Variants in IFT46 observed in about 807,000 individuals in gnomAD.
The protein encoded by IFT46 is intraflagellar transport 46, also known as intraflagellar transport protein 46 homolog.
A neutral mutation model predicts 39.6 loss-of-function variants in IFT46; 19 were observed. The observed-to-expected ratio is 0.48, with a 90% CI of 0.33 to 0.70. The LOEUF is 0.70. Ranked by LOEUF, IFT46 falls within the 30% of genes least tolerant of loss-of-function variation. The pLI, the probability that IFT46 is intolerant of heterozygous loss-of-function variation, is 0.01. For missense variants in IFT46, 334 were observed against 364.8 expected, an observed-to-expected ratio of 0.92 and a Z score of 0.69; for synonymous variants, 117 against 134.8, an observed-to-expected ratio of 0.87 and a Z score of 0.91.
chr11:118,545,301 G>C, intron 11 of IFT46, 108 bp downstream of exon 11: 1 of 865,758 alleles, frequency 1.2e-6, no homozygotes, highest in Non-Finnish European at 1.9e-6. Context: ...AGGTAACTGG[G>C]CAGAGACATC....
intron 2 of IFT46, chr11:118,560,669 C>A: frequency 3.8e-6 from 2 of 532,720 alleles, no homozygotes; most frequent in South Asian, 3.7e-5. Context: ...GAGCCGCAAA[C>A]GCGGGTCTCT....
upstream of IFT46, among the ~76,000 whole-genome samples, chr11:118,570,772 CA>C (rs1311982785): frequency 6.6e-6 from 1 of 152,148 alleles, no homozygotes. Flanking sequence ...TCTTCATATA[CA>C]AAATGGACAT....
Position 118,544,863 on chromosome 11 carries a change from C to T in IFT46, c.*53G>A. 9.3e-6 allele frequency: 12 copies of T among 1,291,300 alleles called. No homozygotes were observed. The highest frequency in any genetic ancestry group is 1.3e-5 in the Non-Finnish European group (12 of 891,476). 80.0% of individuals were successfully genotyped at this position (1,291,300 alleles called of 1,614,324 possible). On this transcript the variant is annotated 3_prime_UTR_variant, in exon 12 of 12. Coordinates refer to ENST00000264021, the MANE Select transcript of IFT46 (RefSeq NM_001168618.2). Reference sequence around the variant, plus strand: ...GTAGCTGACAACGATCTGTCCATCTCAGCTGGGGCAGAGGGGCCAGCTCAG... The same window carrying T: ...GTAGCTGACAACGATCTGTCCATCTTAGCTGGGGCAGAGGGGCCAGCTCAG...
intron 3 of IFT46, among the ~76,000 whole-genome samples, chr11:118,558,929 C>CA (rs1223114835): frequency 5.5e-5 from 8 of 146,416 alleles, no homozygotes; most frequent in Admixed American, 2.7e-4. Context: ...AAAAAACAAA[C>CA]AAAAAAAACA....
Position 118,555,086 on chromosome 11 carries a change from A to G in IFT46, c.261-3T>C, listed in dbSNP as rs782745091. The G allele has an allele frequency of 1.9e-6, 3 of 1,608,732 alleles. No homozygotes were observed. The South Asian group carries it at 3.3e-5, about 18-fold the overall frequency. On this transcript the variant is annotated splice_region_variant and splice_polypyrimidine_tract_variant and intron_variant, in intron 5 of 11. Coordinates refer to ENST00000264021, the MANE Select transcript of IFT46 (RefSeq NM_001168618.2). The stretch of plus-strand genomic sequence containing the variant: ...GGTCAATCAACTGAGGTGTGTACCT[A>G]GGAGATATTGCCAAGGGAAGGTGGA...
intron 9 of IFT46, among the ~76,000 whole-genome samples, chr11:118,549,988 A>G (rs1173939480): frequency 2.0e-5 from 3 of 150,416 alleles, no homozygotes; most frequent in Non-Finnish European, 3.0e-5. Context: ...TAGTTGCTCA[A>G]TCTTTGCTCA....
chr11:118,550,037 T>C (rs917373693), intron 9 of IFT46, among the ~76,000 whole-genome samples: 1 of 151,392 alleles, frequency 6.6e-6, no homozygotes, highest in Non-Finnish European at 1.5e-5. Context: ...TGGGTTCAAG[T>C]GATTCTCCTG....
intron 10 of IFT46, 45 bp from the exon 11 acceptor site, chr11:118,545,539 G>T: frequency 6.8e-7 from 1 of 1,466,192 alleles, no homozygotes; most frequent in Non-Finnish European, 9.6e-7. Flanking sequence ...AACAAACTCC[G>T]GGAATTAGAG....
chr11:118,558,404 G>A (rs1347489465), intron 3 of IFT46, among the ~76,000 whole-genome samples: 2 of 152,156 alleles, frequency 1.3e-5, no homozygotes, highest in Admixed American at 6.5e-5. Flanking sequence ...AGACCAGCCT[G>A]ACCAACATGG....
Position 118,560,753 on chromosome 11 carries a change from A to C in IFT46, c.-35-889T>G. 4.4e-6 allele frequency: 3 copies of C among 684,062 alleles called. No individual in the cohort carries two copies. The South Asian group carries it at 4.7e-5, about 11-fold the overall frequency. 42.4% of individuals were successfully genotyped at this position (684,062 alleles called of 1,614,324 possible). A position where few individuals can be genotyped will look rare whatever the true frequency, so the allele number is the denominator to read the frequency against. On this transcript the variant is annotated intron_variant, in intron 2 of 11. Transcript: ENST00000264021. ...TAAGAGATACCAAGTGAAATTTAGAAGACGACGAGAGGGTAAAACTGGTTA... is the reference window on the plus strand; with the variant it reads ...TAAGAGATACCAAGTGAAATTTAGACGACGACGAGAGGGTAAAACTGGTTA...
At chr11:118,576,259 T>C (rs1251328852), upstream of IFT46, among the ~76,000 whole-genome samples, 15 of 151,844 alleles carry the variant, frequency 9.9e-5, no homozygotes. Context: ...CATGTAAGAA[T>C]TATTAAAAGT....
chr11:118,557,048 G>A lies in IFT46; in HGVS notation c.46-3C>T. The A allele has an allele frequency of 6.3e-7, 1 of 1,596,172 alleles. No individual in the cohort carries two copies. Among genetic ancestry groups the A allele is most frequent in the South Asian group, 1.1e-5 (1 of 87,590 alleles). On this transcript the variant is annotated splice_region_variant and splice_polypyrimidine_tract_variant and intron_variant, in intron 3 of 11. Transcript: ENST00000264021. ...AACTGTGAGGTCTTCTTCTTCTCCT[G>A]TGATAGGGCAGGGCAGGCATAGAAA... is the stretch of plus-strand genomic sequence containing the variant.
At chr11:118,549,146 AC>A (rs1951762958) in intron 9 of IFT46, among the ~76,000 whole-genome samples, 1 of 148,686 alleles carries the variant, frequency 6.7e-6, no homozygotes, top group Admixed American at 6.7e-5. Context: ...TGATGCGCCC[AC>A]CTCAGCCTCC....
At chr11:118,559,640 G>A (rs1937964369) in intron 3 of IFT46, 145 bp downstream of exon 3, 1 of 704,096 alleles carries the variant, frequency 1.4e-6, no homozygotes, top group Non-Finnish European at 2.6e-6. Flanking sequence ...AAGGCTCTTT[G>A]TAACTGATTT....
chr11:118,556,684 C>T (rs891996120), intron 4 of IFT46, among the ~76,000 whole-genome samples: 4 of 151,988 alleles, frequency 2.6e-5, no homozygotes, highest in South Asian at 2.1e-4. Flanking sequence ...AGCCCACAAA[C>T]GTTTCAGATA....
rs1204484426 is a variant in IFT46, at chr11:118,545,684, G to A, written c.733+109C>T. The A allele has an allele frequency of 6.2e-6, 8 of 1,297,632 alleles. No individual in the cohort carries two copies. The Admixed American group carries it at 6.8e-5, about 11-fold the overall frequency. 80.4% of individuals were successfully genotyped at this position (1,297,632 alleles called of 1,614,324 possible). A position where few individuals can be genotyped will look rare whatever the true frequency, so the allele number is the denominator to read the frequency against. On this transcript the variant is annotated intron_variant, in intron 10 of 11. Transcript: ENST00000264021. ...TGCCAAAGAGCACAACGGGCTTAAA[G>A]TGAAGGCTGAAACTCAAGATACTAT...
chr11:118,549,925 C>CTTT lies in IFT46; in HGVS notation c.672+1858_672+1860dup, dbSNP rs1205953002. On this transcript the variant is annotated intron_variant, in intron 9 of 11. Coordinates refer to ENST00000264021, the MANE Select transcript of IFT46 (RefSeq NM_001168618.2). The stretch of plus-strand genomic sequence containing the variant: ...ATCTCAGCCTCCCACTCCATTATGA[C>CTTT]TTTTTTTTTTTTTTTTGAGATGGAG... 7.3e-4 allele frequency among the ~76,000 whole-genome samples: 99 copies of CTTT among 136,028 alleles called. 1 individual carries two copies. In the East Asian group the frequency reaches 1.0e-2, roughly 14 times the overall value. 89.2% of individuals were successfully genotyped at this position (136,028 alleles called of 152,430 possible).
At chr11:118,563,596 C>G (rs150197886) in intron 2 of IFT46, among the ~76,000 whole-genome samples, 2 of 152,104 alleles carry the variant, frequency 1.3e-5, no homozygotes, top group Non-Finnish European at 2.9e-5. Context: ...AGAGGCCAAG[C>G]CACTATCATC....
At chr11:118,561,070 T>C in intron 2 of IFT46, 1 of 1,535,602 alleles carries the variant, frequency 6.5e-7, no homozygotes, top group Non-Finnish European at 8.9e-7. Flanking sequence ...AGACTGGCAA[T>C]GAATACAATG....
Sources: allele counts gnomAD v4.1 joint callset (sites outside exome capture counted in the v4.1 genomes callset), GRCh38; gene constraint gnomAD v4.1.1; transcripts MANE v1.5; gene names NCBI Gene and HGNC (gene_info 2026-07-23, HGNC 2026-07-21).